The following C16orf87 variants were observed in gnomAD, a reference collection of about 807,000 sequenced individuals.
The protein encoded by C16orf87 is UPF0547 protein C16orf87.
Under a neutral mutation model 21.0 loss-of-function variants are expected in C16orf87, and 13 were observed. That is an observed-to-expected ratio of 0.62 (90% CI 0.40 to 0.98). C16orf87 has a LOEUF of 0.98. Among genes scored for constraint, C16orf87 ranks in the 50% least tolerant of loss-of-function variants. The pLI, the probability that C16orf87 is intolerant of heterozygous loss-of-function variation, is 0.00. For missense variants in C16orf87, 113 were observed against 180.4 expected (o/e 0.63, Z 2.14); for synonymous variants, 49 against 60.2 (o/e 0.81, Z 0.86).
chr16:46,809,089 G>T (rs950601111), intron 3 of C16orf87, among the ~76,000 whole-genome samples: 1 of 149,188 alleles, frequency 6.7e-6, no homozygotes, highest in African/African-American at 2.5e-5. Flanking sequence ...CTTGAGCCCA[G>T]AAGTTCAAGA....
intron 3 of C16orf87, among the ~76,000 whole-genome samples, chr16:46,806,954 A>G (rs936600987): frequency 3.3e-5 from 5 of 152,262 alleles, no homozygotes; most frequent in Admixed American, 2.6e-4. Context: ...TCTAAGAGCA[A>G]GGAATCAATA....
rs1306255360 is a variant in C16orf87 at position 46,802,368 on chromosome 16, T to C, written c.*584A>G. 2 of 152,302 alleles carry C rather than the reference T, an allele frequency of 1.3e-5. No individual in the cohort carries two copies. The highest frequency in any genetic ancestry group is 2.9e-5 in the Non-Finnish European group (2 of 67,960). The allele number at this position is 152,302 out of a possible 1,614,324, so 9.4% of individuals were successfully genotyped here. ...AAAGTATCTCCTAAAATATAACTCA[T>C]ACCTTAAGTAATAAAAATAAAGGCC... On this transcript the variant is annotated 3_prime_UTR_variant, in exon 4 of 4. Coordinates refer to ENST00000285697, the MANE Select transcript of C16orf87 (RefSeq NM_001001436.4).
intron 2 of C16orf87, among the ~76,000 whole-genome samples, chr16:46,813,967 A>G (rs1039474521): frequency 2.0e-5 from 3 of 152,198 alleles, no homozygotes; most frequent in Non-Finnish European, 4.4e-5. Flanking sequence ...ACTTACACAG[A>G]CTGTTGAATA....
intron 3 of C16orf87, among the ~76,000 whole-genome samples, chr16:46,809,279 G>T (rs886396934): frequency 6.7e-6 from 1 of 149,364 alleles, no homozygotes; most frequent in African/African-American, 2.5e-5. Context: ...AGAACAACAC[G>T]CTGTCTCAAA....
rs1269881177 is a variant in C16orf87 at position 46,798,096 on chromosome 16, G to C, written c.*4856C>G. On this transcript the variant is annotated 3_prime_UTR_variant, in exon 4 of 4. Transcript: ENST00000285697. ...AAGTAAATTTTAAAATCAATGATCTGAGCTTCCGCCACAATAAGCTAGAAA... is the reference window on the plus strand; with the variant it reads ...AAGTAAATTTTAAAATCAATGATCTCAGCTTCCGCCACAATAAGCTAGAAA... The C allele has an allele frequency of 6.6e-6, 1 of 152,078 alleles. No individual in the cohort carries two copies. Among genetic ancestry groups the C allele is most frequent in the Non-Finnish European group, 1.5e-5 (1 of 68,014 alleles). The allele number at this position is 152,078 out of a possible 1,614,324, so 9.4% of individuals were successfully genotyped here. A position where few individuals can be genotyped will look rare whatever the true frequency, so the allele number is the denominator to read the frequency against.
intron 3 of C16orf87, among the ~76,000 whole-genome samples, chr16:46,803,605 T>C (rs760727920): frequency 1.6e-4 from 25 of 152,322 alleles, no homozygotes; most frequent in Non-Finnish European, 2.6e-4. Context: ...TTGGTGTATA[T>C]TCTTCCAAGT....
chr16:46,811,939 C>T (rs1051916007), intron 2 of C16orf87, among the ~76,000 whole-genome samples: 5 of 152,028 alleles, frequency 3.3e-5, no homozygotes, highest in African/African-American at 1.2e-4. Context: ...GGTGACAAAG[C>T]GACACCCTGT....
At chr16:46,812,504 T>C (rs1477363480) in intron 2 of C16orf87, among the ~76,000 whole-genome samples, 1 of 152,224 alleles carries the variant, frequency 6.6e-6, no homozygotes, top group Non-Finnish European at 1.5e-5. Flanking sequence ...TTCAAAATGA[T>C]GCAAAGGAAG....
At chr16:46,805,850 T>A (rs1223745443) in intron 3 of C16orf87, among the ~76,000 whole-genome samples, 1 of 152,178 alleles carries the variant, frequency 6.6e-6, no homozygotes, top group African/African-American at 2.4e-5. Flanking sequence ...TGTTCAAACT[T>A]TTTTACTTTT....
intron 1 of C16orf87, among the ~76,000 whole-genome samples, chr16:46,830,103 G>A (rs1959783201): frequency 6.6e-6 from 1 of 152,092 alleles, no homozygotes; most frequent in African/African-American, 2.4e-5. Context: ...AAGGCTTAAA[G>A]GAATGTCTAT....
rs1297798688 is a variant in C16orf87 at position 46,802,823 on chromosome 16, C to T, written c.*129G>A. On this transcript the variant is annotated 3_prime_UTR_variant, in exon 4 of 4. Transcript: ENST00000285697. ...CTCCCGAAGTGTGGCACAGGCTAAA[C>T]GACAGGCGAGAAAGAAACAATCGAT... 11 of 635,850 alleles carry T rather than the reference C, an allele frequency of 1.7e-5. No homozygotes were observed. Among genetic ancestry groups the T allele is most frequent in the South Asian group, 4.0e-5 (2 of 50,434 alleles). The allele number at this position is 635,850 out of a possible 1,614,324, so 39.4% of individuals were successfully genotyped here.
At chr16:46,803,466 C>A (rs951948290) in intron 3 of C16orf87, among the ~76,000 whole-genome samples, 1 of 152,100 alleles carries the variant, frequency 6.6e-6, no homozygotes, top group Non-Finnish European at 1.5e-5. Flanking sequence ...TCTTCTTATA[C>A]AGGAAATGAC....
intron 3 of C16orf87, among the ~76,000 whole-genome samples, chr16:46,803,319 A>C (rs1323303972): frequency 6.6e-6 from 1 of 152,184 alleles, no homozygotes; most frequent in East Asian, 1.9e-4. Context: ...AATTTTTCTA[A>C]GAATCTCATA....
chr16:46,806,508 C>T (rs1051852276), intron 3 of C16orf87, among the ~76,000 whole-genome samples: 2 of 152,130 alleles, frequency 1.3e-5, no homozygotes, highest in Admixed American at 1.3e-4. Flanking sequence ...ATCCACCAGC[C>T]TCGGCCTCCC....
intron 1 of C16orf87, among the ~76,000 whole-genome samples, chr16:46,829,660 T>C (rs945941960): frequency 6.6e-6 from 1 of 152,206 alleles, no homozygotes. Flanking sequence ...ATTTAACAAA[T>C]TTAGTTCAGT....
intron 2 of C16orf87, among the ~76,000 whole-genome samples, chr16:46,812,832 C>G (rs1968133591): frequency 6.6e-6 from 1 of 152,150 alleles, no homozygotes; most frequent in Non-Finnish European, 1.5e-5. Context: ...CAACAAAAAC[C>G]TGTTACCAAA....
intron 2 of C16orf87, among the ~76,000 whole-genome samples, chr16:46,820,268 G>A (rs1384931785): frequency 6.6e-6 from 1 of 152,068 alleles, no homozygotes; most frequent in Non-Finnish European, 1.5e-5. Flanking sequence ...ATCTTTTACA[G>A]CTTTATTTTT....
rs1967746054 is a variant in C16orf87 at position 46,800,780 on chromosome 16, G to C, written c.*2172C>G. ...AATTTTTTAGCTTTATAACAAGAAA[G>C]CTCATAGAGTACAATTTTTTGAAAA... On this transcript the variant is annotated 3_prime_UTR_variant, in exon 4 of 4. Transcript: ENST00000285697. 6.6e-6 allele frequency: 1 copy of C among 152,172 alleles called. No homozygotes were observed. Among genetic ancestry groups the C allele is most frequent in the Non-Finnish European group, 1.5e-5 (1 of 68,014 alleles). 9.4% of individuals were successfully genotyped at this position (152,172 alleles called of 1,614,324 possible). A position where few individuals can be genotyped will look rare whatever the true frequency, so the allele number is the denominator to read the frequency against.
chr16:46,821,708 C>G (rs1366898789), intron 2 of C16orf87, among the ~76,000 whole-genome samples: 1 of 152,224 alleles, frequency 6.6e-6, no homozygotes, highest in Non-Finnish European at 1.5e-5. Context: ...GTGTCTGTCA[C>G]AGTTTAGTCC....
Sources: allele counts gnomAD v4.1 joint callset (sites outside exome capture counted in the v4.1 genomes callset), GRCh38; gene constraint gnomAD v4.1.1; transcripts MANE v1.5; gene names NCBI Gene and HGNC (gene_info 2026-07-23, HGNC 2026-07-21).